The following RNGTT variants were observed in gnomAD, a reference collection of about 807,000 sequenced individuals.
RNGTT encodes the protein RNA guanylyltransferase and 5'-phosphatase, also known as mRNA-capping enzyme.
In RNGTT, 33 loss-of-function variants were observed where a neutral mutation model predicts 79.3. That is an observed-to-expected ratio of 0.42 (90% CI 0.32 to 0.56). The LOEUF is 0.56. Ranked by LOEUF, RNGTT falls within the 20% of genes least tolerant of loss-of-function variation. The pLI is 0.17. For missense variants in RNGTT, 497 were observed against 739.1 expected, an observed-to-expected ratio of 0.67 and a Z score of 3.80; for synonymous variants, 222 against 235.9, an observed-to-expected ratio of 0.94 and a Z score of 0.54.
intron 11 of RNGTT, among the ~76,000 whole-genome samples, chr6:88,824,541 T>G (rs1780593168): frequency 6.6e-6 from 1 of 152,114 alleles, no homozygotes; most frequent in South Asian, 2.1e-4. Context: ...ACATTAAAAA[T>G]CTAGTTCCCT....
chr6:88,648,497 A>AATAAT lies in RNGTT; in HGVS notation c.1506+29855_1506+29856insATTAT, dbSNP rs1562169907. On this transcript the variant is annotated intron_variant, in intron 14 of 15. Coordinates refer to ENST00000369485, the MANE Select transcript of RNGTT (RefSeq NM_003800.5). ...ATAATAATAATAATAATAATAATAAAAAATTCTAACACCAATTTACCTCTT... is the reference window on the plus strand; with the variant it reads ...ATAATAATAATAATAATAATAATAAAATAATAAATTCTAACACCAATTTACCTCTT... Among the ~76,000 whole-genome samples, 652 of 120,900 alleles carry AATAAT rather than the reference A, an allele frequency of 5.4e-3. 3 individuals carry two copies. Among genetic ancestry groups the AATAAT allele is most frequent in the African/African-American group, 0.018 (623 of 34,818 alleles). The allele number at this position is 120,900 out of a possible 152,430, so 79.3% of individuals were successfully genotyped here.
chr6:88,775,747 GTGTACTCAACTTTT>G (rs1041563914), intron 12 of RNGTT, among the ~76,000 whole-genome samples: 4 of 152,118 alleles, frequency 2.6e-5, no homozygotes, highest in African/African-American at 9.7e-5. Flanking sequence ...TTCTGTTTCT[GTGTACTCAACTTTT>G]TGAGATTCCA....
chr6:88,822,775 G>T (rs921952291), intron 11 of RNGTT, among the ~76,000 whole-genome samples: 1 of 152,102 alleles, frequency 6.6e-6, no homozygotes, highest in African/African-American at 2.4e-5. Context: ...AAAAACAGGT[G>T]ATCAACCAAC....
chr6:88,684,904 C>T (rs1485124872), intron 13 of RNGTT, among the ~76,000 whole-genome samples: 1 of 152,150 alleles, frequency 6.6e-6, no homozygotes, highest in East Asian at 1.9e-4. Context: ...ACTGTCTGTA[C>T]TTTCTGCTCA....
chr6:88,807,936 C>T (rs1404058975), intron 11 of RNGTT, among the ~76,000 whole-genome samples: 1 of 152,018 alleles, frequency 6.6e-6, no homozygotes, highest in East Asian at 1.9e-4. Flanking sequence ...CAATGTCAAT[C>T]CAAAAATCTT....
chr6:88,617,045 G>A (rs553144592), intron 14 of RNGTT, among the ~76,000 whole-genome samples: 1 of 152,318 alleles, frequency 6.6e-6, no homozygotes, highest in Admixed American at 6.5e-5. Flanking sequence ...GGCCGAGGTG[G>A]GCAGATCATG....
intron 8 of RNGTT, among the ~76,000 whole-genome samples, chr6:88,858,043 C>T (rs1192117821): frequency 6.6e-6 from 1 of 152,026 alleles, no homozygotes; most frequent in African/African-American, 2.4e-5. Flanking sequence ...TTCTTTGTAC[C>T]ACAGTGGCTT....
intron 13 of RNGTT, among the ~76,000 whole-genome samples, chr6:88,717,805 A>G (rs1776571639): frequency 6.6e-6 from 1 of 152,118 alleles, no homozygotes; most frequent in South Asian, 2.1e-4. Flanking sequence ...AAAAAACAGC[A>G]GCCCACCCCC....
At chr6:88,911,295 T>A (rs1190198506) in intron 4 of RNGTT, among the ~76,000 whole-genome samples, 1 of 152,170 alleles carries the variant, frequency 6.6e-6, no homozygotes, top group Non-Finnish European at 1.5e-5. Flanking sequence ...GAAAGATCTA[T>A]CATGCAAATG....
At chr6:88,720,932 A>G (rs987969627) in intron 13 of RNGTT, among the ~76,000 whole-genome samples, 5 of 152,084 alleles carry the variant, frequency 3.3e-5, no homozygotes, top group Admixed American at 6.5e-5. Flanking sequence ...CATGTTTTTT[A>G]TGTTAGTTCA....
intron 14 of RNGTT, among the ~76,000 whole-genome samples, chr6:88,633,577 C>T (rs1427277973): frequency 6.6e-6 from 1 of 152,074 alleles, no homozygotes; most frequent in Non-Finnish European, 1.5e-5. Flanking sequence ...TAAGCTCAAT[C>T]GGGATGGAAC....
chr6:88,940,989 A>G, intron 2 of RNGTT, 82 bp downstream of exon 2: 1 of 694,088 alleles, frequency 1.4e-6, no homozygotes. Flanking sequence ...TTAAAATAAT[A>G]AGATTTTTTT....
intron 14 of RNGTT, among the ~76,000 whole-genome samples, chr6:88,659,129 G>A (rs1007480572): frequency 1.3e-5 from 2 of 152,124 alleles, no homozygotes; most frequent in African/African-American, 4.8e-5. Flanking sequence ...TTACTCTGTG[G>A]GATAAAAGAA....
chr6:88,806,980 T>C (rs1016151797), intron 11 of RNGTT, among the ~76,000 whole-genome samples: 1 of 152,118 alleles, frequency 6.6e-6, no homozygotes, highest in Admixed American at 6.5e-5. Flanking sequence ...CTCGGCAAAC[T>C]AACGTAGGAA....
rs150416285 is a variant in RNGTT, at chr6:88,852,657, A to C, written c.1032+972T>G. On this transcript the variant is annotated intron_variant, in intron 9 of 15. Transcript: ENST00000369485. ...TTACTAGATACAGGAAAAAATACAA[A>C]AATCAAAATGTCCAACAAAAGGGAA... 2.5e-3 allele frequency among the ~76,000 whole-genome samples: 381 copies of C among 152,256 alleles called. 2 individuals carry two copies. The highest frequency in any genetic ancestry group is 8.7e-3 in the African/African-American group (363 of 41,556).
intron 1 of RNGTT, among the ~76,000 whole-genome samples, chr6:88,955,066 T>C (rs1413675553): frequency 2.0e-5 from 3 of 150,656 alleles, no homozygotes; most frequent in Admixed American, 2.0e-4. Flanking sequence ...TCAGAAAAAA[T>C]AAATAAATAA....
intron 13 of RNGTT, among the ~76,000 whole-genome samples, chr6:88,733,503 C>T (rs935627003): frequency 1.3e-5 from 2 of 150,788 alleles, no homozygotes; most frequent in Admixed American, 1.3e-4. Flanking sequence ...AGAAGAAAAA[C>T]GACTGAAGCA....
chr6:88,962,855 A>G (rs1785684374), intron 1 of RNGTT, among the ~76,000 whole-genome samples: 1 of 152,090 alleles, frequency 6.6e-6, no homozygotes, highest in Non-Finnish European at 1.5e-5. Context: ...CCCCAGCCCG[A>G]GCAAGAGACC....
Position 88,963,387 on chromosome 6 carries a change from G to T in RNGTT, c.23C>A (p.Pro8Gln). 1 of 1,609,778 alleles carries T rather than the reference G, an allele frequency of 6.2e-7. No individual in the cohort carries two copies. Among genetic ancestry groups the T allele is most frequent in the Admixed American group, 1.7e-5 (1 of 59,646 alleles). The change falls in exon 1 of 16, where the codon CCG (proline) becomes CAG (glutamine). Residue 8 changes from proline (P) to glutamine (Q), a missense_variant. Pro to Gln is a moderately conservative substitution (Grantham distance 76, BLOSUM62 -1). This residue lies in a region of RNGTT where 440 missense variants were observed against 671.5 expected (regional missense o/e 0.66). Transcript: ENST00000369485. MAHNKIP[P>Q]RWLNCPRRGQ... ...GCGCCGGGGACAGTTCAGCCACCGC[G>T]GCGGGATCTTGTTGTGAGCCATGTC...
Sources: gnomAD v4.1 joint callset for allele counts (sites outside exome capture counted in the v4.1 genomes callset) on GRCh38, gnomAD v4.1.1 for gene constraint, gnomAD v4.1.1 regional missense constraint, MANE v1.5 for transcripts, NCBI Gene and HGNC (gene_info 2026-07-23, HGNC 2026-07-21) for gene names.